Variants in AFF1 observed in about 807,000 individuals in gnomAD.
AFF1 encodes the protein ALF transcription elongation factor 1, also known as AF4/FMR2 family member 1.
A neutral mutation model predicts 121.7 loss-of-function variants in AFF1; 48 were observed. The observed-to-expected ratio is 0.39, with a 90% CI of 0.31 to 0.50. AFF1 has a LOEUF of 0.50. Ranked by LOEUF, AFF1 falls within the 20% of genes least tolerant of loss-of-function variation. The probability of loss-of-function intolerance (pLI) is 0.76; values close to 1 mark genes in which losing one functional copy is unlikely to be tolerated. For missense variants in AFF1, 1,523 were observed against 1,511.7 expected (o/e 1.01, Z -0.12); for synonymous variants, 613 against 563.0 (o/e 1.09, Z -1.26).
At chr4:86,998,694 A>G (rs1400529637) in intron 2 of AFF1, among the ~76,000 whole-genome samples, 1 of 152,154 alleles carries the variant, frequency 6.6e-6, no homozygotes, top group Non-Finnish European at 1.5e-5. Flanking sequence ...AAACTCTGAT[A>G]CTATGAATGT....
intron 10 of AFF1, among the ~76,000 whole-genome samples, chr4:87,106,373 ACT>A (rs549746672): frequency 6.1e-4 from 93 of 152,294 alleles, no homozygotes; most frequent in African/African-American, 2.1e-3. Flanking sequence ...ACAGAGCGAG[ACT>A]CTGTCTCAAA....
intron 2 of AFF1, among the ~76,000 whole-genome samples, chr4:87,012,230 T>TC (rs1726847615): frequency 8.0e-6 from 1 of 124,634 alleles, no homozygotes. Flanking sequence ...GTTTTTTTTT[T>TC]TTTTTGTATA....
intron 4 of AFF1, among the ~76,000 whole-genome samples, chr4:87,070,705 G>A (rs1021151788): frequency 7.9e-5 from 12 of 152,252 alleles, no homozygotes; most frequent in African/African-American, 2.4e-4. Context: ...CATATAAACA[G>A]TATTAATTTT....
intron 2 of AFF1, chr4:87,036,747 G>A: frequency 2.0e-6 from 1 of 497,968 alleles, no homozygotes. Flanking sequence ...CCCCAGTTAA[G>A]AAACATCAGC....
At chr4:86,995,829 G>A (rs1390627582) in intron 2 of AFF1, among the ~76,000 whole-genome samples, 2 of 150,462 alleles carry the variant, frequency 1.3e-5, no homozygotes, top group Non-Finnish European at 3.0e-5. Context: ...AAAGTGAGGA[G>A]CGTCTCTGCC....
At position 87,084,303 on chromosome 4, in the gene AFF1, C is replaced by T; in HGVS notation, c.1104+139C>T. 4.7e-6 allele frequency: 4 copies of T among 847,628 alleles called. No individual in the cohort carries two copies. In the East Asian group the frequency reaches 1.0e-4, roughly 22 times the overall value. The allele number at this position is 847,628 out of a possible 1,614,324, so 52.5% of individuals were successfully genotyped here. ...CCTGTAATCCTAGCACTTTGGGAGG[C>T]CAAGGTGGGCGGATTGCTTGAGCTC... On this transcript the variant is annotated intron_variant, in intron 5 of 20. Transcript: ENST00000395146.
chr4:87,036,508 T>G lies in AFF1; in HGVS notation c.39-9658T>G, dbSNP rs547679763. Reference sequence around the variant, plus strand: ...AAATATGTTTGGAAGATGAGAGGCTTGGTGTGCTGCACATGGGAATACATT... The same window carrying G: ...AAATATGTTTGGAAGATGAGAGGCTGGGTGTGCTGCACATGGGAATACATT... On this transcript the variant is annotated intron_variant, in intron 2 of 20. Coordinates refer to ENST00000395146, the MANE Select transcript of AFF1 (RefSeq NM_001166693.3). Among the ~76,000 whole-genome samples the G allele has an allele frequency of 3.4e-4, 52 of 152,284 alleles. 1 individual carries two copies. Among genetic ancestry groups the G allele is most frequent in the Non-Finnish European group, 4.9e-4 (33 of 68,024 alleles).
chr4:87,136,515 C>T lies in AFF1; in HGVS notation c.*814C>T. ...TGCCATTTCCTACCCCTGCCATTTC[C>T]CACCCCTGCTTCAGCGAAAGGGACT... On this transcript the variant is annotated 3_prime_UTR_variant, in exon 21 of 21. Coordinates refer to ENST00000395146, the MANE Select transcript of AFF1 (RefSeq NM_001166693.3). The T allele has an allele frequency of 4.3e-6, 1 of 232,746 alleles. No homozygotes were observed. Among genetic ancestry groups the T allele is most frequent in the East Asian group, 6.1e-5 (1 of 16,472 alleles). 14.4% of individuals were successfully genotyped at this position (232,746 alleles called of 1,614,324 possible).
intron 12 of AFF1, among the ~76,000 whole-genome samples, chr4:87,124,493 C>A (rs2149788403): frequency 6.6e-6 from 1 of 152,236 alleles, no homozygotes; most frequent in South Asian, 2.1e-4. Context: ...CTGTAAAATA[C>A]ACGGGATTTT....
At position 86,960,428 on chromosome 4, in the gene AFF1, C is replaced by G. The variant is rs577182244; in HGVS notation, c.38+11857C>G. 3.3e-5 allele frequency among the ~76,000 whole-genome samples: 5 copies of G among 152,204 alleles called. No homozygotes were observed. In the South Asian group the frequency reaches 1.0e-3, roughly 32 times the overall value. On this transcript the variant is annotated intron_variant, in intron 2 of 20. Coordinates refer to ENST00000395146, the MANE Select transcript of AFF1 (RefSeq NM_001166693.3). ...GGGCTCCTTTACTCCTTTTCCCACC[C>G]GACATCAGGAGGAAAACTCCTTTAT...
chr4:87,086,464 C>T (rs950947065), intron 5 of AFF1, among the ~76,000 whole-genome samples: 3 of 152,264 alleles, frequency 2.0e-5, no homozygotes, highest in South Asian at 2.1e-4. Context: ...CCTTGCTTAC[C>T]TCGAAATGCT....
intron 1 of AFF1, among the ~76,000 whole-genome samples, chr4:86,942,090 C>T (rs1242164945): frequency 2.0e-5 from 3 of 152,198 alleles, no homozygotes; most frequent in African/African-American, 7.2e-5. Flanking sequence ...TATTATTACT[C>T]CTGAAGGAAG....
At chr4:86,949,917 G>A (rs1053203182) in intron 2 of AFF1, 16 of 1,613,984 alleles carry the variant, frequency 9.9e-6, no homozygotes, top group Non-Finnish European at 1.1e-5. Flanking sequence ...GGGATCTTCC[G>A]CGTCTTGGAC....
intron 2 of AFF1, among the ~76,000 whole-genome samples, chr4:87,034,419 C>G (rs996656892): frequency 6.6e-6 from 1 of 152,202 alleles, no homozygotes; most frequent in Non-Finnish European, 1.5e-5. Context: ...ATTTAAAATT[C>G]TCTCTCTGGA....
chr4:87,031,624 T>C (rs1306505898), intron 2 of AFF1, among the ~76,000 whole-genome samples: 3 of 152,226 alleles, frequency 2.0e-5, no homozygotes, highest in African/African-American at 7.2e-5. Flanking sequence ...CATAGATAAA[T>C]GCATTCCTGT....
chr4:87,084,055 TC>T, intron 4 of AFF1, 64 bp from the exon 5 acceptor site: 1 of 1,425,630 alleles, frequency 7.0e-7, no homozygotes, highest in Non-Finnish European at 9.9e-7. Context: ...AATACAGTCA[TC>T]CACCAGTACC....
At chr4:86,992,550 G>A (rs181533470) in intron 2 of AFF1, among the ~76,000 whole-genome samples, 51 of 152,172 alleles carry the variant, frequency 3.4e-4, no homozygotes, top group African/African-American at 1.1e-3. Context: ...GTTGTTAAGC[G>A]TTTTAAGGCA....
At chr4:86,956,236 AAGT>A in intron 2 of AFF1, among the ~76,000 whole-genome samples, 1 of 152,222 alleles carries the variant, frequency 6.6e-6, no homozygotes, top group Non-Finnish European at 1.5e-5. Context: ...GCTAACTGAT[AAGT>A]ATGTGTCATT....
chr4:87,045,686 A>G (rs1232197506), intron 2 of AFF1, among the ~76,000 whole-genome samples: 1 of 152,066 alleles, frequency 6.6e-6, no homozygotes, highest in African/African-American at 2.4e-5. Context: ...GTGCCTGGTA[A>G]TCTTTTAATT....
Sources: gnomAD v4.1 joint callset for allele counts (sites outside exome capture counted in the v4.1 genomes callset) on GRCh38, gnomAD v4.1.1 for gene constraint, MANE v1.5 for transcripts, NCBI Gene and HGNC (gene_info 2026-07-23, HGNC 2026-07-21) for gene names.